Variants in DCP1B observed in about 807,000 individuals in gnomAD.
DCP1B encodes decapping mRNA 1B.
Under a neutral mutation model 60.5 loss-of-function variants are expected in DCP1B, and 47 were observed. The observed-to-expected ratio is 0.78, with a 90% CI of 0.61 to 0.99. DCP1B has a LOEUF of 0.99. Among genes scored for constraint, DCP1B ranks in the 50% least tolerant of loss-of-function variants. The pLI is 0.00. For missense variants in DCP1B, 725 were observed against 756.8 expected (o/e 0.96, Z 0.49); for synonymous variants, 267 against 280.3 (o/e 0.95, Z 0.47).
intron 3 of DCP1B, chr12:1,991,629 G>T (rs1437160974): frequency 5.3e-6 from 1 of 188,204 alleles, no homozygotes; most frequent in Non-Finnish European, 1.1e-5. Context: ...CCACACTTCA[G>T]GTACTAAACG....
intron 5 of DCP1B, among the ~76,000 whole-genome samples, chr12:1,957,328 T>A (rs1301349510): frequency 6.6e-6 from 1 of 152,204 alleles, no homozygotes; most frequent in Non-Finnish European, 1.5e-5. Context: ...TAATCCAGTT[T>A]TAATCACACA....
intron 3 of DCP1B, chr12:1,991,085 C>A (rs1373969128): frequency 2.2e-6 from 1 of 455,186 alleles, no homozygotes; most frequent in Admixed American, 2.4e-5. Context: ...TATGGAAATT[C>A]ATTAGAAACA....
In DCP1B at chr12:2,004,453, G is replaced by A. The variant is rs1487767083; in HGVS notation, c.-22C>T. ...CCATCTTCCCTCCCTCCCAGACATAGGCACGGGGCTCTTGGAAGCCACTCT... is the reference window on the plus strand; with the variant it reads ...CCATCTTCCCTCCCTCCCAGACATAAGCACGGGGCTCTTGGAAGCCACTCT... On this transcript the variant is annotated 5_prime_UTR_variant, in exon 1 of 9. Transcript: ENST00000280665. The A allele has an allele frequency of 6.3e-7, 1 of 1,594,810 alleles. No individual in the cohort carries two copies. Among genetic ancestry groups the A allele is most frequent in the Non-Finnish European group, 8.5e-7 (1 of 1,170,890 alleles).
At chr12:1,958,158 T>C (rs1306465953) in intron 5 of DCP1B, among the ~76,000 whole-genome samples, 2 of 148,522 alleles carry the variant, frequency 1.3e-5, no homozygotes, top group Admixed American at 6.7e-5. Context: ...ACTTTTTCTA[T>C]AAACCTCCTG....
chr12:1,952,609 G>C lies in DCP1B; in HGVS notation c.1331C>G (p.Ser444Cys). The C allele has an allele frequency of 6.2e-7, 1 of 1,614,166 alleles. No individual in the cohort carries two copies. The highest frequency in any genetic ancestry group is 1.3e-5 in the African/African-American group (1 of 75,038). The change falls in exon 7 of 9, where the codon TCT (serine) becomes TGT (cysteine). Residue 444 changes from serine (S) to cysteine (C), a missense_variant. Ser to Cys is a moderately radical substitution (Grantham distance 112). Coordinates refer to ENST00000280665, the MANE Select transcript of DCP1B (RefSeq NM_152640.5). ...LPISGSQTGS[S>C]GVISPQELLK... ...TAACTCTTGAGGGGAGATCACTCCA[G>C]AGCTGCCAGTCTGACTACCAGAGAT...
intron 5 of DCP1B, among the ~76,000 whole-genome samples, chr12:1,960,953 A>G (rs2031101076): frequency 6.6e-6 from 1 of 152,092 alleles, no homozygotes; most frequent in Non-Finnish European, 1.5e-5. Flanking sequence ...GGGTCTCCAC[A>G]TTTTCTGAAA....
intron 2 of DCP1B, among the ~76,000 whole-genome samples, chr12:1,994,324 G>A (rs150728503): frequency 4.1e-4 from 63 of 152,338 alleles, no homozygotes; most frequent in Admixed American, 1.4e-3. Context: ...GAAATGTTAT[G>A]AGCAACAGGA....
intron 3 of DCP1B, among the ~76,000 whole-genome samples, chr12:1,968,871 TATTG>T (rs1433272088): frequency 6.6e-6 from 1 of 152,278 alleles, no homozygotes; most frequent in Non-Finnish European, 1.5e-5. Flanking sequence ...ATATACCTGC[TATTG>T]ATTCATTCAA....
intron 3 of DCP1B, among the ~76,000 whole-genome samples, chr12:1,987,159 A>C (rs1484557702): frequency 6.6e-6 from 1 of 152,260 alleles, no homozygotes; most frequent in Admixed American, 6.5e-5. Context: ...ACAAATGGGC[A>C]TTAGAAGTAC....
chr12:1,967,561 T>C (rs993842044), intron 4 of DCP1B, among the ~76,000 whole-genome samples: 1 of 152,218 alleles, frequency 6.6e-6, no homozygotes, highest in African/African-American at 2.4e-5. Flanking sequence ...CTAATTTACA[T>C]ATGAAAATAT....
At chr12:1,958,953 G>A (rs532724511) in intron 5 of DCP1B, among the ~76,000 whole-genome samples, 2,158 of 136,860 alleles carry the variant, frequency 0.016, 21 homozygotes, top group Non-Finnish European at 0.024. Flanking sequence ...CTCCTGGAAG[G>A]AAACAGGGGA....
At chr12:1,988,233 C>T (rs112597841) in intron 3 of DCP1B, among the ~76,000 whole-genome samples, 1 of 152,308 alleles carries the variant, frequency 6.6e-6, no homozygotes, top group Admixed American at 6.5e-5. Context: ...ATTGTTACCT[C>T]TGTGCCATGT....
At chr12:1,949,461 T>C in intron 7 of DCP1B, 127 bp from the exon 8 acceptor site, 1 of 1,332,072 alleles carries the variant, frequency 7.5e-7, no homozygotes, top group East Asian at 2.4e-5. Flanking sequence ...GAAAAGTTTA[T>C]GGGAAACTGA....
At chr12:1,953,352 T>C (rs2030762761) in intron 6 of DCP1B, 64 bp from the exon 7 acceptor site, 1 of 1,474,034 alleles carries the variant, frequency 6.8e-7, no homozygotes, top group Non-Finnish European at 9.0e-7. Flanking sequence ...GGAAGTGCTA[T>C]GAAACATAAC....
chr12:1,950,581 G>T (rs1272776992), intron 7 of DCP1B, among the ~76,000 whole-genome samples: 2 of 152,198 alleles, frequency 1.3e-5, no homozygotes, highest in Non-Finnish European at 2.9e-5. Flanking sequence ...AATAATAAAT[G>T]AGAACACTTT....
intron 3 of DCP1B, among the ~76,000 whole-genome samples, chr12:1,989,974 T>A (rs2038937158): frequency 6.6e-6 from 1 of 152,224 alleles, no homozygotes; most frequent in Non-Finnish European, 1.5e-5. Flanking sequence ...AAAAACTTGC[T>A]TTTTAAACCT....
chr12:1,943,091 A>G (rs887772812), downstream of DCP1B, among the ~76,000 whole-genome samples: 2 of 152,208 alleles, frequency 1.3e-5, no homozygotes, highest in African/African-American at 2.4e-5. Context: ...TCAAATAGAC[A>G]CAATAAAAAA....
chr12:1,959,236 C>T (rs987175144), intron 5 of DCP1B, among the ~76,000 whole-genome samples: 19 of 152,214 alleles, frequency 1.2e-4, no homozygotes, highest in Non-Finnish European at 1.5e-4. Context: ...AAGAGACACA[C>T]AGGATTACAT....
downstream of DCP1B, among the ~76,000 whole-genome samples, chr12:1,943,896 C>G (rs1209997626): frequency 1.3e-5 from 2 of 152,202 alleles, no homozygotes; most frequent in Non-Finnish European, 2.9e-5. Context: ...AGGATGCCCT[C>G]TCTCAATACT....
Sources: gnomAD v4.1 joint callset for allele counts (sites outside exome capture counted in the v4.1 genomes callset) on GRCh38, gnomAD v4.1.1 for gene constraint, MANE v1.5 for transcripts, NCBI Gene and HGNC (gene_info 2026-07-23, HGNC 2026-07-21) for gene names.